ZNF521: variants seen among roughly 807,000 people sequenced by gnomAD.
The protein encoded by ZNF521 is zinc finger protein 521, also known as LYST-interacting protein 3.
Under a neutral mutation model 105.5 loss-of-function variants are expected in ZNF521, and 14 were observed. That is an observed-to-expected ratio of 0.13 (90% CI 0.09 to 0.21). The LOEUF (loss-of-function observed/expected upper bound fraction) is 0.21. ZNF521 is among the 10% of genes least tolerant of loss of function. The probability of loss-of-function intolerance (pLI) is 1.00; values close to 1 mark genes in which losing one functional copy is unlikely to be tolerated. For missense variants in ZNF521, 1,233 were observed against 1,629.7 expected, an observed-to-expected ratio of 0.76 and a Z score of 4.19; for synonymous variants, 635 against 606.0, an observed-to-expected ratio of 1.05 and a Z score of -0.70.
At chr18:25,138,000 T>G (rs2034769218) in intron 5 of ZNF521, among the ~76,000 whole-genome samples, 1 of 152,176 alleles carries the variant, frequency 6.6e-6, no homozygotes, top group Non-Finnish European at 1.5e-5. Context: ...AATCAATTTC[T>G]CAGGTCTTTC....
intron 5 of ZNF521, among the ~76,000 whole-genome samples, chr18:25,162,666 T>C (rs1436228598): frequency 6.6e-6 from 1 of 152,214 alleles, no homozygotes. Context: ...TGACTGCCAA[T>C]GATGCTTCAG....
intron 2 of ZNF521, among the ~76,000 whole-genome samples, chr18:25,340,027 T>A (rs114496477): frequency 6.2e-4 from 95 of 152,246 alleles, no homozygotes; most frequent in African/African-American, 2.2e-3. Context: ...GAATTGAAGG[T>A]GGCTAGTCAA....
At chr18:25,163,146 G>A (rs369354308) in intron 5 of ZNF521, among the ~76,000 whole-genome samples, 12 of 152,238 alleles carry the variant, frequency 7.9e-5, no homozygotes, top group South Asian at 6.2e-4. Context: ...TTTATATACC[G>A]TAGGTCCTAC....
intron 3 of ZNF521, among the ~76,000 whole-genome samples, chr18:25,289,510 A>C (rs1427487329): frequency 1.3e-5 from 2 of 152,180 alleles, no homozygotes; most frequent in Non-Finnish European, 2.9e-5. Flanking sequence ...TGAAACTACA[A>C]TGAAGAGCTC....
At chr18:25,116,366 T>G (rs1187084138) in intron 5 of ZNF521, among the ~76,000 whole-genome samples, 1 of 152,090 alleles carries the variant, frequency 6.6e-6, no homozygotes, top group Non-Finnish European at 1.5e-5. Flanking sequence ...TGGGGTTGAG[T>G]GAGACTCCAA....
intron 3 of ZNF521, among the ~76,000 whole-genome samples, chr18:25,266,091 C>T (rs1037340684): frequency 3.9e-5 from 6 of 152,134 alleles, no homozygotes; most frequent in African/African-American, 1.2e-4. Context: ...AGGTACAAAA[C>T]ATAGAATGAA....
chr18:25,135,641 T>G (rs190995034), intron 5 of ZNF521, among the ~76,000 whole-genome samples: 7 of 152,298 alleles, frequency 4.6e-5, no homozygotes, highest in Admixed American at 4.6e-4. Context: ...CAGCTAATTT[T>G]AACAGAGTGT....
At chr18:25,067,570 A>G (rs1378480200) in intron 7 of ZNF521, among the ~76,000 whole-genome samples, 1 of 152,226 alleles carries the variant, frequency 6.6e-6, no homozygotes, top group Admixed American at 6.5e-5. Flanking sequence ...ATGCAATCCA[A>G]GAAAAATATT....
chr18:25,243,172 G>A (rs1411565565), intron 3 of ZNF521, among the ~76,000 whole-genome samples: 1 of 152,070 alleles, frequency 6.6e-6, no homozygotes, highest in Non-Finnish European at 1.5e-5. Context: ...CATTATTTGT[G>A]GAACTCTGAA....
At chr18:25,126,160 C>T (rs997369657) in intron 5 of ZNF521, among the ~76,000 whole-genome samples, 4 of 152,042 alleles carry the variant, frequency 2.6e-5, no homozygotes, top group South Asian at 2.1e-4. Flanking sequence ...TGGTAATACA[C>T]GAGCAATTTT....
At chr18:25,316,318 G>T (rs917247533) in intron 3 of ZNF521, among the ~76,000 whole-genome samples, 1 of 93,632 alleles carries the variant, frequency 1.1e-5, no homozygotes, top group Non-Finnish European at 2.2e-5. Flanking sequence ...AAGGTAAAAC[G>T]AATTTAAAAA....
At chr18:25,349,836 G>T (rs1416247483) in intron 2 of ZNF521, among the ~76,000 whole-genome samples, 2 of 150,094 alleles carry the variant, frequency 1.3e-5, no homozygotes, top group African/African-American at 4.9e-5. Flanking sequence ...TCCGGGTCGC[G>T]GGGGCCGCGG....
At chr18:25,100,197 C>T (rs150113197) in intron 5 of ZNF521, among the ~76,000 whole-genome samples, 20 of 151,776 alleles carry the variant, frequency 1.3e-4, no homozygotes, top group East Asian at 9.7e-4. Flanking sequence ...CTAGAAAGCA[C>T]GGCTTGCTAC....
At chr18:25,089,382 T>C (rs997143156) in intron 7 of ZNF521, 83 bp downstream of exon 7, 1 of 1,071,704 alleles carries the variant, frequency 9.3e-7, no homozygotes, top group South Asian at 1.4e-5. Context: ...TGAGTGATAC[T>C]GTGAATCCAG....
intron 7 of ZNF521, chr18:25,082,469 C>A (rs2033516938): frequency 2.4e-6 from 1 of 408,874 alleles, no homozygotes; most frequent in South Asian, 1.8e-5. Flanking sequence ...ACCCAGGGGT[C>A]CCAGCAGAAG....
At chr18:25,290,799 C>A (rs1454726352) in intron 3 of ZNF521, among the ~76,000 whole-genome samples, 1 of 151,760 alleles carries the variant, frequency 6.6e-6, no homozygotes, top group Non-Finnish European at 1.5e-5. Context: ...TTAGTAGAGA[C>A]CCACCCAGCC....
intron 5 of ZNF521, among the ~76,000 whole-genome samples, chr18:25,158,577 A>C (rs962069791): frequency 6.6e-6 from 1 of 152,156 alleles, no homozygotes; most frequent in Non-Finnish European, 1.5e-5. Context: ...CGAAAGCATG[A>C]AAAGAGACAC....
intron 2 of ZNF521, among the ~76,000 whole-genome samples, chr18:25,343,434 T>C (rs916775583): frequency 3.9e-5 from 6 of 152,140 alleles, no homozygotes; most frequent in African/African-American, 1.4e-4. Flanking sequence ...TCCGTGTATA[T>C]AGACTATGTA....
intron 5 of ZNF521, among the ~76,000 whole-genome samples, chr18:25,162,941 A>G (rs2035275722): frequency 6.6e-6 from 1 of 152,198 alleles, no homozygotes; most frequent in South Asian, 2.1e-4. Context: ...GCCTTAAAAT[A>G]TGTTCATTAT....
Sources: gnomAD v4.1 joint callset for allele counts (sites outside exome capture counted in the v4.1 genomes callset) on GRCh38, gnomAD v4.1.1 for gene constraint, MANE v1.5 for transcripts, NCBI Gene and HGNC (gene_info 2026-07-23, HGNC 2026-07-21) for gene names.